MTUS1: variants seen among roughly 807,000 people sequenced by gnomAD.
MTUS1 encodes the protein microtubule associated scaffold protein 1.
In MTUS1, 109 loss-of-function variants were observed where a neutral mutation model predicts 120.8. The observed-to-expected ratio is 0.90, with a 90% CI of 0.77 to 1.06. The LOEUF (loss-of-function observed/expected upper bound fraction) is 1.06. Among genes scored for constraint, MTUS1 ranks in the 50% least tolerant of loss-of-function variants. MTUS1 has a pLI of 0.00. For synonymous variants in MTUS1, 737 were observed against 550.5 expected (o/e 1.34, Z -4.74); for missense variants, 2,210 against 1,486.3 (o/e 1.49, Z -8.01).
At chr8:17,731,957 G>A (rs2046614704) in intron 3 of MTUS1, among the ~76,000 whole-genome samples, 1 of 152,190 alleles carries the variant, frequency 6.6e-6, no homozygotes, top group Non-Finnish European at 1.5e-5. Context: ...AGGGGCAAGA[G>A]CCAGATCTGG....
chr8:17,664,767 C>T (rs12541330), intron 8 of MTUS1, among the ~76,000 whole-genome samples: 9,272 of 152,158 alleles, frequency 0.061, 480 homozygotes, highest in East Asian at 0.24. Flanking sequence ...TCCTGACACA[C>T]GTCCATGGCA....
intron 7 of MTUS1, among the ~76,000 whole-genome samples, chr8:17,677,183 A>G (rs1813303592): frequency 6.6e-6 from 1 of 152,256 alleles, no homozygotes; most frequent in African/African-American, 2.4e-5. Context: ...TTAAAGCCTG[A>G]GGAAAATCAG....
In MTUS1 at chr8:17,687,131, C is replaced by T. The variant is rs150237725; in HGVS notation, c.2624-2589G>A. On this transcript the variant is annotated intron_variant, in intron 6 of 14. Coordinates refer to ENST00000693296, the MANE Select transcript of MTUS1 (RefSeq NM_001363059.2). ...ACATTGATGTATTCGTCTAAGAGTA[C>T]GTGTCTTCAAATTTTAAAATGAGAG... 1.4e-4 allele frequency among the ~76,000 whole-genome samples: 21 copies of T among 152,138 alleles called. No homozygotes were observed. The East Asian group carries it at 3.7e-3, about 27-fold the overall frequency.
At chr8:17,747,524 T>G (rs77160901) in intron 2 of MTUS1, among the ~76,000 whole-genome samples, 18 of 152,240 alleles carry the variant, frequency 1.2e-4, no homozygotes, top group African/African-American at 4.3e-4. Flanking sequence ...AAACCCCACC[T>G]TCAAGGCAAA....
intron 1 of MTUS1, among the ~76,000 whole-genome samples, chr8:17,772,467 C>T (rs997547651): frequency 6.6e-6 from 1 of 152,164 alleles, no homozygotes; most frequent in Non-Finnish European, 1.5e-5. Flanking sequence ...CATATTATAT[C>T]TGCTAAAACA....
chr8:17,782,518 A>G (rs963809970), intron 1 of MTUS1, among the ~76,000 whole-genome samples: 3 of 152,246 alleles, frequency 2.0e-5, no homozygotes, highest in Non-Finnish European at 4.4e-5. Context: ...CACTATTAAA[A>G]TGAAGCATAA....
chr8:17,730,575 G>A (rs1586013843), intron 3 of MTUS1, among the ~76,000 whole-genome samples: 1 of 151,914 alleles, frequency 6.6e-6, no homozygotes, highest in South Asian at 2.1e-4. Context: ...GCCAAAATGT[G>A]GAAGCAACCC....
intron 2 of MTUS1, among the ~76,000 whole-genome samples, chr8:17,751,560 G>C (rs2048192748): frequency 1.5e-5 from 1 of 66,332 alleles, no homozygotes; most frequent in Non-Finnish European, 5.3e-5. Context: ...CTTCAGACAT[G>C]ATCGTGAAAA....
At chr8:17,798,544 G>A (rs1039792969) in intron 1 of MTUS1, among the ~76,000 whole-genome samples, 1 of 152,136 alleles carries the variant, frequency 6.6e-6, no homozygotes, top group African/African-American at 2.4e-5. Flanking sequence ...ATGTTGCCCA[G>A]GCTGGTCTCG....
intron 1 of MTUS1, among the ~76,000 whole-genome samples, chr8:17,766,751 G>T (rs1176799188): frequency 1.3e-5 from 2 of 152,140 alleles, no homozygotes; most frequent in Non-Finnish European, 2.9e-5. Context: ...TTTAAAATAT[G>T]ATAGTGCAGA....
chr8:17,745,622 G>C (rs1461834638), intron 2 of MTUS1, among the ~76,000 whole-genome samples: 3 of 152,204 alleles, frequency 2.0e-5, no homozygotes, highest in African/African-American at 7.2e-5. Flanking sequence ...CCATTAGTGA[G>C]AGTGTACTCA....
At chr8:17,800,015 T>A (rs1382657327) in intron 1 of MTUS1, among the ~76,000 whole-genome samples, 1 of 152,218 alleles carries the variant, frequency 6.6e-6, no homozygotes, top group Non-Finnish European at 1.5e-5. Context: ...TTTTAAGTTG[T>A]GTATCATTTC....
chr8:17,754,934 G>C lies in MTUS1; in HGVS notation c.874C>G (p.Leu292Val). ...TCCATGCCATCAGAAACTGGTGTTA[G>C]TGCTTGTGTCTCCTTTTCTCCAACT... ...RLVGEKETQA[L>V]TPVSDGMEVP... The change falls in exon 2 of 15, where the codon CTA becomes GTA. Residue 292 changes from leucine (L) to valine (V), a missense_variant. By Grantham distance (32) the Leu-to-Val change is conservative. Coordinates refer to ENST00000693296, the MANE Select transcript of MTUS1 (RefSeq NM_001363059.2). 6.2e-7 allele frequency: 1 copy of C among 1,614,118 alleles called. No individual in the cohort carries two copies. The highest frequency in any genetic ancestry group is 8.5e-7 in the Non-Finnish European group (1 of 1,179,970).
chr8:17,760,166 T>C (rs1357839622), intron 1 of MTUS1, among the ~76,000 whole-genome samples: 6 of 151,724 alleles, frequency 4.0e-5, no homozygotes, highest in Non-Finnish European at 8.8e-5. Context: ...CAGTAAGCTA[T>C]GATCATGCCA....
chr8:17,721,980 G>T, intron 4 of MTUS1: 2 of 1,411,808 alleles, frequency 1.4e-6, no homozygotes, highest in Non-Finnish European at 9.3e-7. Flanking sequence ...TGCTCTTAGT[G>T]AATTCGAATG....
intron 4 of MTUS1, chr8:17,716,603 G>C (rs900583747): frequency 2.5e-5 from 4 of 159,382 alleles, no homozygotes; most frequent in Non-Finnish European, 4.1e-5. Context: ...CGTCCAGGCT[G>C]GAGTGCAGTG....
Position 17,754,800 on chromosome 8 carries a change from A to T in MTUS1, c.1008T>A (p.Asn336Lys). 6.2e-7 allele frequency: 1 copy of T among 1,614,196 alleles called. No homozygotes were observed. The highest frequency in any genetic ancestry group is 1.1e-5 in the South Asian group (1 of 91,076). ...GACAATAGGACACTGTCTCTCTCAGATTTTGGCCCATTTCCTTGTGCCTGT... is the reference window on the plus strand; with the variant it reads ...GACAATAGGACACTGTCTCTCTCAGTTTTTGGCCCATTTCCTTGTGCCTGT... ...SSYRHKEMGQ[N>K]LRETVSYCLI... Residue 336 changes from asparagine to lysine, a missense_variant, in exon 2 of 15, where the codon AAT becomes AAA. Transcript: ENST00000693296.
intron 1 of MTUS1, among the ~76,000 whole-genome samples, chr8:17,769,953 C>T (rs900504595): frequency 6.6e-6 from 1 of 150,932 alleles, no homozygotes; most frequent in African/African-American, 2.4e-5. Context: ...GGAAGCACTA[C>T]AGTCAGAATC....
chr8:17,780,363 C>T (rs957558193), intron 1 of MTUS1, among the ~76,000 whole-genome samples: 4 of 152,184 alleles, frequency 2.6e-5, no homozygotes, highest in Non-Finnish European at 5.9e-5. Flanking sequence ...AACCTCTTTT[C>T]TTTATACATT....
Sources: gnomAD v4.1 joint callset for allele counts (sites outside exome capture counted in the v4.1 genomes callset) on GRCh38, gnomAD v4.1.1 for gene constraint, MANE v1.5 for transcripts, NCBI Gene and HGNC (gene_info 2026-07-23, HGNC 2026-07-21) for gene names.